The following FSTL4 variants were observed in gnomAD, a reference collection of about 807,000 sequenced individuals.
The protein encoded by FSTL4 is follistatin like 4.
FSTL4 carries 28 observed loss-of-function variants against 78.2 expected under a neutral mutation model. That is an observed-to-expected ratio of 0.36 (90% CI 0.27 to 0.49). The LOEUF (loss-of-function observed/expected upper bound fraction) is 0.49, where lower values mean the gene tolerates loss of function less well. Ranked by LOEUF, FSTL4 falls within the 20% of genes least tolerant of loss-of-function variation. The probability of loss-of-function intolerance (pLI) is 0.98; values close to 1 mark genes in which losing one functional copy is unlikely to be tolerated. For missense variants in FSTL4, 922 were observed against 1,084.9 expected, an observed-to-expected ratio of 0.85 and a Z score of 2.11; for synonymous variants, 422 against 440.5, an observed-to-expected ratio of 0.96 and a Z score of 0.53.
intron 6 of FSTL4, among the ~76,000 whole-genome samples, chr5:133,295,179 C>T (rs1046952550): frequency 6.6e-6 from 1 of 152,176 alleles, no homozygotes; most frequent in African/African-American, 2.4e-5. Flanking sequence ...TCAGCCATGA[C>T]CTTGCTTCCT....
intron 2 of FSTL4, among the ~76,000 whole-genome samples, chr5:133,603,075 A>C (rs1354648376): frequency 6.6e-6 from 1 of 152,220 alleles, no homozygotes; most frequent in Non-Finnish European, 1.5e-5. Context: ...AGTATTCATC[A>C]CAGCATAGAG....
the FSTL4 span, among the ~76,000 whole-genome samples, chr5:133,674,287 T>C: frequency 2.6e-5 from 4 of 152,270 alleles, no homozygotes; most frequent in East Asian, 7.7e-4. Context: ...TGACAACAAT[T>C]TCCCCCTCTG....
At chr5:133,497,469 C>CA (rs1458403972) in intron 3 of FSTL4, among the ~76,000 whole-genome samples, 4 of 152,156 alleles carry the variant, frequency 2.6e-5, no homozygotes, top group African/African-American at 9.7e-5. Flanking sequence ...CTGTTGTTTG[C>CA]CTGAGGGGCA....
Position 133,236,413 on chromosome 5 carries a change from C to G in FSTL4, c.895-2876G>C, listed in dbSNP as rs921091822. ...ACACGTCACCTTGTATGTATTTAAT[C>G]CTCAGGAAAAAAAAAACCCTGAAAA... is the stretch of plus-strand genomic sequence containing the variant. On this transcript the variant is annotated intron_variant, in intron 7 of 15. Transcript: ENST00000265342. The surrounding 1 kb of genome is among the most constrained non-coding windows in gnomAD (Gnocchi z 5.0). Among the ~76,000 whole-genome samples the G allele has an allele frequency of 1.4e-5, 2 of 147,392 alleles. No individual in the cohort carries two copies. The highest frequency in any genetic ancestry group is 2.9e-5 in the Non-Finnish European group (2 of 67,932).
chr5:133,524,737 C>T (rs765342620), intron 3 of FSTL4, among the ~76,000 whole-genome samples: 5 of 152,212 alleles, frequency 3.3e-5, no homozygotes, highest in Non-Finnish European at 5.9e-5. Context: ...GCGCTAAAGC[C>T]AGGAAAATCA....
chr5:133,710,980 A>G, the FSTL4 span, among the ~76,000 whole-genome samples: 1 of 152,106 alleles, frequency 6.6e-6, no homozygotes, highest in East Asian at 1.9e-4. Flanking sequence ...AACAGGGGAA[A>G]CCTCCGTCTC....
At chr5:133,817,450 G>T in the FSTL4 span, among the ~76,000 whole-genome samples, 1 of 152,186 alleles carries the variant, frequency 6.6e-6, no homozygotes, top group African/African-American at 2.4e-5. Context: ...AAGATAGGGT[G>T]ACCAAAGATT....
chr5:133,405,656 C>T lies in FSTL4; in HGVS notation c.161-4670G>A, dbSNP rs544012945. 2.0e-5 allele frequency among the ~76,000 whole-genome samples: 3 copies of T among 152,336 alleles called. No individual in the cohort carries two copies. The South Asian group carries it at 6.2e-4, about 32-fold the overall frequency. On this transcript the variant is annotated intron_variant, in intron 3 of 15. Transcript: ENST00000265342. ...GATTGGACATAACGGTCCCAGTATT[C>T]TTCCCCGCTTTAAGATAACTTATAC...
At chr5:133,666,810 TTGTTCCCA>T in the FSTL4 span, among the ~76,000 whole-genome samples, 1 of 152,242 alleles carries the variant, frequency 6.6e-6, no homozygotes, top group Non-Finnish European at 1.5e-5. Flanking sequence ...ATTAAGAAGG[TTGTTCCCA>T]TGTTGAAAAA....
chr5:133,497,879 C>T (rs560693800), intron 3 of FSTL4, among the ~76,000 whole-genome samples: 21 of 152,218 alleles, frequency 1.4e-4, no homozygotes, highest in African/African-American at 4.1e-4. Flanking sequence ...AAAGGAAATT[C>T]GCATGAAAGA....
At chr5:133,493,341 T>A (rs1300347701) in intron 3 of FSTL4, among the ~76,000 whole-genome samples, 1 of 152,224 alleles carries the variant, frequency 6.6e-6, no homozygotes, top group South Asian at 2.1e-4. Flanking sequence ...TGCATGTATT[T>A]CTCTAGGAGC....
At chr5:133,224,378 T>C in intron 10 of FSTL4, 162 bp from the exon 11 acceptor site, 1 of 556,470 alleles carries the variant, frequency 1.8e-6, no homozygotes. Context: ...GAACAGTATC[T>C]TGGGGGAAGC....
At chr5:133,332,586 C>T (rs1754373613) in intron 4 of FSTL4, among the ~76,000 whole-genome samples, 1 of 152,184 alleles carries the variant, frequency 6.6e-6, no homozygotes. Context: ...GGATATGGTG[C>T]AGATCACGTG....
At chr5:133,750,043 A>G in the FSTL4 span, among the ~76,000 whole-genome samples, 3 of 152,266 alleles carry the variant, frequency 2.0e-5, no homozygotes, top group African/African-American at 7.2e-5. Flanking sequence ...AATTCACTCC[A>G]CCATGGTGTG....
At chr5:133,227,618 T>A (rs1367021188) in intron 8 of FSTL4, among the ~76,000 whole-genome samples, 1 of 152,166 alleles carries the variant, frequency 6.6e-6, no homozygotes, top group Non-Finnish European at 1.5e-5. Context: ...GACCTGGGGT[T>A]AATAAGCTTG....
In FSTL4 at chr5:133,196,817, G is replaced by GTGAC. The variant is rs1414880499; in HGVS notation, c.*2274_*2277dup. The GTGAC allele has an allele frequency of 1.3e-5, 2 of 152,284 alleles. No homozygotes were observed. The highest frequency in any genetic ancestry group is 2.9e-5 in the Non-Finnish European group (2 of 68,114). The allele number at this position is 152,284 out of a possible 1,614,324, so 9.4% of individuals were successfully genotyped here. ...AAAAGGCATTTACCTCCCTGCATTG[G>GTGAC]TGACTTTGCCTCCTGGGGCTGGACT... On this transcript the variant is annotated 3_prime_UTR_variant, in exon 16 of 16. Transcript: ENST00000265342.
the FSTL4 span, among the ~76,000 whole-genome samples, chr5:133,666,063 A>G: frequency 3.3e-5 from 5 of 151,908 alleles, no homozygotes; most frequent in South Asian, 8.3e-4. Context: ...CAGTGTCCAC[A>G]TATCCTATCA....
the FSTL4 span, among the ~76,000 whole-genome samples, chr5:133,725,428 A>G: frequency 1.2e-4 from 19 of 152,360 alleles, no homozygotes; most frequent in Non-Finnish European, 2.5e-4. Flanking sequence ...TTCTACACAG[A>G]GATGTGTTCT....
In FSTL4 at chr5:133,391,514, A is replaced by G. The variant is rs145480950; in HGVS notation, c.409+9224T>C. ...TCAAGGCCACTTTTGGGTGGGCCTC[A>G]CGGAGTAATGAGAAGGGCAATATAG... On this transcript the variant is annotated intron_variant, in intron 4 of 15. Transcript: ENST00000265342. Among the ~76,000 whole-genome samples the G allele has an allele frequency of 3.5e-3, 538 of 152,324 alleles. 2 individuals carry two copies. The highest frequency in any genetic ancestry group is 5.8e-3 in the Non-Finnish European group (397 of 68,026).
Sources: allele counts gnomAD v4.1 joint callset (sites outside exome capture counted in the v4.1 genomes callset), GRCh38; gene constraint gnomAD v4.1.1; non-coding constraint Gnocchi (gnomAD v3.1); transcripts MANE v1.5; gene names NCBI Gene and HGNC (gene_info 2026-07-23, HGNC 2026-07-21).